Variants in COMMD1 observed in about 807,000 individuals in gnomAD.
COMMD1 encodes the protein COMM domain-containing protein 1.
COMMD1 carries 10 observed loss-of-function variants against 17.2 expected under a neutral mutation model. The observed-to-expected ratio is 0.58, with a 90% CI of 0.36 to 0.99. COMMD1 has a LOEUF of 0.99. Among genes scored for constraint, COMMD1 ranks in the 50% least tolerant of loss-of-function variants. The pLI is 0.01. For synonymous variants in COMMD1, 97 were observed against 91.6 expected, an observed-to-expected ratio of 1.06 and a Z score of -0.34; for missense variants, 270 against 231.8, an observed-to-expected ratio of 1.17 and a Z score of -1.07.
chr2:61,988,787 C>T (rs1407822769), intron 1 of COMMD1, among the ~76,000 whole-genome samples: 4 of 152,146 alleles, frequency 2.6e-5, no homozygotes, highest in African/African-American at 9.7e-5. Flanking sequence ...TTGAGGACCC[C>T]ACAGCTCTTT....
chr2:62,133,971 AT>A (rs879499796), intron 2 of COMMD1, among the ~76,000 whole-genome samples: 7 of 151,824 alleles, frequency 4.6e-5, no homozygotes, highest in Non-Finnish European at 1.0e-4. Context: ...TAAATTTTTT[AT>A]TTTTTATTTT....
upstream of COMMD1, among the ~76,000 whole-genome samples, chr2:61,902,362 C>T (rs1669674567): frequency 1.3e-5 from 2 of 151,488 alleles, no homozygotes; most frequent in South Asian, 2.1e-4. Flanking sequence ...AAAAATTAGC[C>T]AGGTGTGGTG....
intron 1 of COMMD1, among the ~76,000 whole-genome samples, chr2:61,971,235 C>T (rs1671643338): frequency 6.6e-6 from 1 of 152,222 alleles, no homozygotes; most frequent in African/African-American, 2.4e-5. Flanking sequence ...TGAGAGCACA[C>T]CTGAATAAAG....
chr2:62,014,209 G>A (rs767334747), intron 2 of COMMD1, among the ~76,000 whole-genome samples: 1 of 152,176 alleles, frequency 6.6e-6, no homozygotes, highest in Non-Finnish European at 1.5e-5. Context: ...ACTTCGTTCA[G>A]CTGTTCAGGC....
chr2:62,012,634 A>G (rs1165553931), intron 2 of COMMD1, among the ~76,000 whole-genome samples: 3 of 152,080 alleles, frequency 2.0e-5, no homozygotes, highest in Non-Finnish European at 4.4e-5. Context: ...GCAGTGATTT[A>G]GTACAAGTCC....
intron 2 of COMMD1, among the ~76,000 whole-genome samples, chr2:62,028,230 T>C (rs968220826): frequency 6.6e-6 from 1 of 152,154 alleles, no homozygotes; most frequent in South Asian, 2.1e-4. Context: ...TACTCTGTCT[T>C]TAAGCTTCTG....
upstream of COMMD1, among the ~76,000 whole-genome samples, chr2:61,902,792 C>T (rs1041699104): frequency 3.1e-4 from 47 of 152,012 alleles, no homozygotes; most frequent in African/African-American, 1.0e-3. Flanking sequence ...CTGCAGTGAG[C>T]CAACATCGTG....
At chr2:62,005,745 T>C (rs534484157) in intron 2 of COMMD1, among the ~76,000 whole-genome samples, 23 of 152,042 alleles carry the variant, frequency 1.5e-4, no homozygotes, top group African/African-American at 5.1e-4. Flanking sequence ...ACACCGTTGG[T>C]GGGACTGTAA....
chr2:61,961,974 CT>C (rs1671353715), intron 1 of COMMD1, among the ~76,000 whole-genome samples: 1 of 151,994 alleles, frequency 6.6e-6, no homozygotes, highest in African/African-American at 2.4e-5. Flanking sequence ...TTGTTTGTTC[CT>C]GTAAATTTCT....
chr2:62,004,938 T>C (rs1669069584), intron 2 of COMMD1, among the ~76,000 whole-genome samples: 1 of 152,208 alleles, frequency 6.6e-6, no homozygotes, highest in South Asian at 2.1e-4. Context: ...CAGGTTTTTG[T>C]TGAACTCTGG....
At chr2:61,992,417 A>T (rs1672274330) in intron 1 of COMMD1, among the ~76,000 whole-genome samples, 1 of 152,230 alleles carries the variant, frequency 6.6e-6, no homozygotes, top group South Asian at 2.1e-4. Context: ...CAGATGGGAC[A>T]TTGCAAAGTC....
chr2:62,036,274 G>A (rs11679238), intron 2 of COMMD1, among the ~76,000 whole-genome samples: 5,478 of 152,226 alleles, frequency 0.036, 248 homozygotes, highest in African/African-American at 0.1. Context: ...TTTAAATAGT[G>A]TTTTATGGAC....
At chr2:61,967,855 A>G (rs905921326) in intron 1 of COMMD1, among the ~76,000 whole-genome samples, 8 of 152,172 alleles carry the variant, frequency 5.3e-5, no homozygotes, top group African/African-American at 1.7e-4. Context: ...AATGTTAAAC[A>G]TTTTGCTCTA....
At chr2:62,096,632 C>CT (rs1421625573) in intron 2 of COMMD1, among the ~76,000 whole-genome samples, 3 of 152,158 alleles carry the variant, frequency 2.0e-5, no homozygotes, top group Non-Finnish European at 2.9e-5. Flanking sequence ...CCTGTCAACT[C>CT]TAAGAATCCT....
chr2:61,918,677 AC>A (rs1471833905), intron 1 of COMMD1: 2 of 152,126 alleles, frequency 1.3e-5, no homozygotes, highest in African/African-American at 4.8e-5. Flanking sequence ...TACATACTAA[AC>A]CCCTAATATG....
At chr2:62,109,870 C>G (rs1672408914) in intron 2 of COMMD1, among the ~76,000 whole-genome samples, 1 of 147,548 alleles carries the variant, frequency 6.8e-6, no homozygotes, top group Admixed American at 6.7e-5. Context: ...TGGGAGGTGG[C>G]TAATAGTTGT....
chr2:61,950,660 A>T (rs1488633116), intron 1 of COMMD1, among the ~76,000 whole-genome samples: 2 of 152,176 alleles, frequency 1.3e-5, no homozygotes, highest in African/African-American at 4.8e-5. Context: ...GTGCTTTGGG[A>T]ACATAACTAA....
chr2:61,939,270 G>A (rs1289862765), intron 1 of COMMD1, among the ~76,000 whole-genome samples: 1 of 150,100 alleles, frequency 6.7e-6, no homozygotes, highest in South Asian at 2.1e-4. Context: ...TGGCTAACAC[G>A]GTGAAACCCA....
intron 1 of COMMD1, among the ~76,000 whole-genome samples, chr2:61,970,251 A>G: frequency 6.6e-6 from 1 of 151,502 alleles, no homozygotes; most frequent in Non-Finnish European, 1.5e-5. Flanking sequence ...AACAAGAGGG[A>G]AACTCCACCT....
Sources: allele counts gnomAD v4.1 joint callset (sites outside exome capture counted in the v4.1 genomes callset), GRCh38; gene constraint gnomAD v4.1.1; transcripts MANE v1.5; gene names NCBI Gene and HGNC (gene_info 2026-07-23, HGNC 2026-07-21).